The following SPATC1L variants were observed in gnomAD, a reference collection of about 807,000 sequenced individuals.
SPATC1L encodes the protein speriolin-like protein.
SPATC1L carries 20 observed loss-of-function variants against 21.2 expected under a neutral mutation model. The observed-to-expected ratio is 0.94, with a 90% CI of 0.66 to 1.37. The LOEUF is 1.37. Among genes scored for constraint, SPATC1L ranks in the 40% most tolerant of loss-of-function variants. SPATC1L has a pLI of 0.00. For synonymous variants in SPATC1L, 290 were observed against 234.5 expected, an observed-to-expected ratio of 1.24 and a Z score of -2.16; for missense variants, 499 against 478.7, an observed-to-expected ratio of 1.04 and a Z score of -0.40.
chr21:46,163,987 T>C (rs1384129631), intron 3 of SPATC1L, among the ~76,000 whole-genome samples: 1 of 152,176 alleles, frequency 6.6e-6, no homozygotes, highest in Non-Finnish European at 1.5e-5. Flanking sequence ...AAGGTGTTTT[T>C]CTGTTTATTT....
At chr21:46,182,008 C>G (rs532524210) in intron 2 of SPATC1L, among the ~76,000 whole-genome samples, 1 of 152,212 alleles carries the variant, frequency 6.6e-6, no homozygotes, top group Admixed American at 6.5e-5. Flanking sequence ...TAAAAAGCCA[C>G]AGAAGGTCGG....
intron 3 of SPATC1L, 132 bp downstream of exon 3, chr21:46,168,176 G>A: frequency 1.8e-6 from 1 of 555,462 alleles, no homozygotes; most frequent in Non-Finnish European, 3.1e-6. Flanking sequence ...CAGCCTCCCA[G>A]CCTGGCTCTC....
At chr21:46,182,486 C>T in intron 2 of SPATC1L, 138 bp downstream of exon 2, 1 of 787,832 alleles carries the variant, frequency 1.3e-6, no homozygotes, top group South Asian at 2.1e-5. Context: ...CCTGGTCTTG[C>T]TTTACTCAGA....
chr21:46,164,929 C>A (rs2079530058), intron 3 of SPATC1L, among the ~76,000 whole-genome samples: 1 of 152,006 alleles, frequency 6.6e-6, no homozygotes, highest in African/African-American at 2.4e-5. Flanking sequence ...CCAACCTGGG[C>A]TCTGTAAGAT....
In SPATC1L at chr21:46,161,560, GTGT is replaced by G. The variant is rs755340316; in HGVS notation, c.839_841del (p.Asn280del). 6.2e-7 allele frequency: 1 copy of G among 1,610,908 alleles called. No individual in the cohort carries two copies. Among genetic ancestry groups the G allele is most frequent in the South Asian group, 1.1e-5 (1 of 90,858 alleles). ...GGGCCGCTGCTTCAGGATTCCGTAG[GTGT>G]TGATGAGGAACTCGCTGAACGCCGG... On this transcript the variant is annotated inframe_deletion, in exon 5 of 5. Coordinates refer to ENST00000291672, the MANE Select transcript of SPATC1L (RefSeq NM_001142854.2).
chr21:46,163,268 C>T (rs2079516304), intron 3 of SPATC1L, among the ~76,000 whole-genome samples: 2 of 152,170 alleles, frequency 1.3e-5, no homozygotes, highest in South Asian at 4.1e-4. Context: ...TGTTTTCTCC[C>T]ATTCTCCGGG....
chr21:46,182,572 C>T (rs2079682865), intron 2 of SPATC1L, 52 bp downstream of exon 2: 9 of 1,407,306 alleles, frequency 6.4e-6, no homozygotes, highest in East Asian at 2.6e-5. Flanking sequence ...GGGGAGCAGG[C>T]GTCCCGCGAC....
intron 3 of SPATC1L, among the ~76,000 whole-genome samples, chr21:46,165,768 A>G (rs773220223): frequency 6.6e-6 from 1 of 150,854 alleles, no homozygotes; most frequent in African/African-American, 2.5e-5. Context: ...AACACTCTCA[A>G]CTTTGTTGGT....
chr21:46,166,402 T>C (rs1237729108), intron 3 of SPATC1L, among the ~76,000 whole-genome samples: 1 of 151,234 alleles, frequency 6.6e-6, no homozygotes, highest in African/African-American at 2.4e-5. Context: ...AATCGATGAA[T>C]GATAGTATGT....
chr21:46,174,066 G>A (rs898424389), intron 2 of SPATC1L, among the ~76,000 whole-genome samples: 1 of 152,176 alleles, frequency 6.6e-6, no homozygotes, highest in Non-Finnish European at 1.5e-5. Flanking sequence ...GGTGGCTCAT[G>A]TCTGTAATCC....
Position 46,183,199 on chromosome 21 carries a change from C to A in SPATC1L, c.-383G>T. ...TCGGGTGTCCACCCTGTGTGGTGTC[C>A]TCAAGCTGGGTGGGGACGCTGCCTT... On this transcript the variant is annotated 5_prime_UTR_variant, in exon 2 of 5. It adds an upstream start codon to the 5' untranslated region. Coordinates refer to ENST00000291672, the MANE Select transcript of SPATC1L (RefSeq NM_001142854.2). 4.1e-6 allele frequency: 1 copy of A among 243,756 alleles called. No homozygotes were observed. The highest frequency in any genetic ancestry group is 7.9e-6 in the Non-Finnish European group (1 of 126,780). 15.1% of individuals were successfully genotyped at this position (243,756 alleles called of 1,614,324 possible).
At chr21:46,167,501 T>C (rs2079549768) in intron 3 of SPATC1L, among the ~76,000 whole-genome samples, 1 of 152,126 alleles carries the variant, frequency 6.6e-6, no homozygotes, top group African/African-American at 2.4e-5. Flanking sequence ...TAACAAAAAA[T>C]CGGTTATTTG....
rs959104756 is a variant in SPATC1L at position 46,161,299 on chromosome 21, G to T, written c.*80C>A. On this transcript the variant is annotated 3_prime_UTR_variant, in exon 5 of 5. Transcript: ENST00000291672. ...GGGGGACGCGGCCCTTTCCCCTCCG[G>T]GGGGACGCGCAGGAGGCACCGCGGC... is the stretch of plus-strand genomic sequence containing the variant. 28 of 1,332,288 alleles carry T rather than the reference G, an allele frequency of 2.1e-5. No homozygotes were observed. Among genetic ancestry groups the T allele is most frequent in the African/African-American group, 7.6e-5 (5 of 65,428 alleles). 82.5% of individuals were successfully genotyped at this position (1,332,288 alleles called of 1,614,324 possible).
Position 46,168,671 on chromosome 21 carries a change from G to A in SPATC1L, c.194-13C>T. ...CCGAAATCTGGAACTGAGGCGGGGA[G>A]GAAAGGGATGAGAAATCAGGCTGAT... On this transcript the variant is annotated splice_polypyrimidine_tract_variant and intron_variant, in intron 2 of 4. Transcript: ENST00000291672. 1.5e-6 allele frequency: 2 copies of A among 1,354,608 alleles called. No individual in the cohort carries two copies. The highest frequency in any genetic ancestry group is 4.1e-5 in the South Asian group (2 of 48,270). The allele number at this position is 1,354,608 out of a possible 1,614,324, so 83.9% of individuals were successfully genotyped here. A position where few individuals can be genotyped will look rare whatever the true frequency, so the allele number is the denominator to read the frequency against.
In SPATC1L at chr21:46,173,358, C is replaced by T. The variant is rs767668934; in HGVS notation, c.194-4700G>A. 5.9e-5 allele frequency among the ~76,000 whole-genome samples: 9 copies of T among 152,258 alleles called. No homozygotes were observed. The East Asian group carries it at 9.7e-4, about 16-fold the overall frequency. ...GAGAGCTCCAGTGAGACAGCCCCGA[C>T]GGCCACACACCAGCCTGCCTGCTCC... On this transcript the variant is annotated intron_variant, in intron 2 of 4. Coordinates refer to ENST00000291672, the MANE Select transcript of SPATC1L (RefSeq NM_001142854.2).
chr21:46,168,191 C>T (rs1032520188), intron 3 of SPATC1L, 117 bp downstream of exon 3: 1 of 627,742 alleles, frequency 1.6e-6, no homozygotes, highest in East Asian at 2.8e-5. Flanking sequence ...GCTCTCCTCC[C>T]TCCACTCTGT....
In SPATC1L at chr21:46,170,550, T is replaced by G. The variant is rs9306149; in HGVS notation, c.194-1892A>C. Among the ~76,000 whole-genome samples, 11 of 1,732 alleles carry G rather than the reference T, an allele frequency of 6.4e-3. 2 individuals carry two copies. Among genetic ancestry groups the G allele is most frequent in the African/African-American group, 7.1e-3 (3 of 420 alleles). 1.1% of individuals were successfully genotyped at this position (1,732 alleles called of 152,430 possible). A position where few individuals can be genotyped will look rare whatever the true frequency, so the allele number is the denominator to read the frequency against. ...GCTCTGTGAACATCCTCTGTGGATG[T>G]GGAGGAGCCTCCTGCTCTGTGAGCA... On this transcript the variant is annotated intron_variant, in intron 2 of 4. Coordinates refer to ENST00000291672, the MANE Select transcript of SPATC1L (RefSeq NM_001142854.2).
chr21:46,179,718 G>A (rs1485184065), intron 2 of SPATC1L, among the ~76,000 whole-genome samples: 1 of 152,178 alleles, frequency 6.6e-6, no homozygotes, highest in Non-Finnish European at 1.5e-5. Flanking sequence ...GGGGGGCCTG[G>A]CTGTCCTCCA....
At chr21:46,178,801 C>A (rs972270470) in intron 2 of SPATC1L, among the ~76,000 whole-genome samples, 2 of 152,076 alleles carry the variant, frequency 1.3e-5, no homozygotes, top group African/African-American at 2.4e-5. Flanking sequence ...GCAGGAGAAT[C>A]GCTTGAACCC....
Sources: allele counts gnomAD v4.1 joint callset (sites outside exome capture counted in the v4.1 genomes callset), GRCh38; gene constraint gnomAD v4.1.1; transcripts MANE v1.5; gene names NCBI Gene and HGNC (gene_info 2026-07-23, HGNC 2026-07-21).